The following TENM1 variants were observed in gnomAD, a reference collection of about 807,000 sequenced individuals.
TENM1 encodes teneurin-1.
TENM1 carries 35 observed loss-of-function variants against 174.8 expected under a neutral mutation model. The observed-to-expected ratio is 0.20, with a 90% CI of 0.15 to 0.27. TENM1 has a LOEUF of 0.27. Ranked by LOEUF, TENM1 falls within the 10% of genes least tolerant of loss-of-function variation. The pLI is 1.00. For synonymous variants in TENM1, 781 were observed against 798.7 expected (o/e 0.98, Z 0.37); for missense variants, 1,633 against 2,130.1 (o/e 0.77, Z 4.59).
At chrX:124,741,699 C>T (rs2053803326) in intron 3 of TENM1, among the ~76,000 whole-genome samples, 1 of 111,863 alleles carries the variant, frequency 8.9e-6, no homozygotes, top group African/African-American at 3.2e-5. Context: ...GGAAAGTTAT[C>T]TGATTAGGAC....
At chrX:124,865,188 T>TAGTAAGTA (rs772898681) in intron 3 of TENM1, among the ~76,000 whole-genome samples, 1 of 111,588 alleles carries the variant, frequency 9.0e-6, no homozygotes, top group Non-Finnish European at 1.9e-5. Flanking sequence ...TCACTGGTAA[T>TAGTAAGTA]AGTAAGTATA....
At chrX:124,574,060 T>A (rs1172005130) in intron 11 of TENM1, among the ~76,000 whole-genome samples, 1 of 112,061 alleles carries the variant, frequency 8.9e-6, no homozygotes, top group East Asian at 2.8e-4. Context: ...ATATAAACAT[T>A]CTTCTGTGCA....
At chrX:124,605,807 G>A (rs1331271502) in intron 11 of TENM1, among the ~76,000 whole-genome samples, 2 of 111,530 alleles carry the variant, frequency 1.8e-5, no homozygotes, top group African/African-American at 6.5e-5. Flanking sequence ...TATATGTGAG[G>A]CTTTCAATTA....
At chrX:125,076,897 AT>A in the TENM1 span, among the ~76,000 whole-genome samples, 463 of 108,682 alleles carry the variant, frequency 4.3e-3, 3 homozygotes, top group African/African-American at 0.014. Flanking sequence ...ACATTTCAAA[AT>A]TTTTTTTTTC....
At chrX:124,720,022 C>T (rs752871245) in intron 4 of TENM1, among the ~76,000 whole-genome samples, 1 of 111,998 alleles carries the variant, frequency 8.9e-6, no homozygotes, top group Non-Finnish European at 1.9e-5. Flanking sequence ...TGCAGCCTCA[C>T]ACACAGTATG....
intron 3 of TENM1, among the ~76,000 whole-genome samples, chrX:124,889,393 T>TTCTA (rs2086044191): frequency 1.8e-5 from 2 of 111,791 alleles, no homozygotes; most frequent in African/African-American, 6.5e-5. Flanking sequence ...AGAAGAAATA[T>TTCTA]GAACTAAGGT....
chrX:124,553,550 G>A (rs1162650889), intron 14 of TENM1, among the ~76,000 whole-genome samples: 8 of 93,887 alleles, frequency 8.5e-5, no homozygotes, highest in African/African-American at 2.8e-4. Flanking sequence ...CTATCTTTTT[G>A]CACCATTAAC....
rs182444129 is a variant in TENM1, at chrX:124,684,051, A to G, written c.1016-12216T>C. ...TTATAAATCAATAAATATCAGCTGC[A>G]CCTTTCAATAGAAACATGGACAAAA... On this transcript the variant is annotated intron_variant, in intron 5 of 31. Coordinates refer to ENST00000422452, the Ensembl canonical transcript of TENM1. 2.7e-5 allele frequency among the ~76,000 whole-genome samples: 3 copies of G among 112,430 alleles called. No homozygotes were observed. The East Asian group carries it at 8.3e-4, about 31-fold the overall frequency.
chrX:124,766,420 T>C (rs2054540080), intron 3 of TENM1, among the ~76,000 whole-genome samples: 1 of 111,863 alleles, frequency 8.9e-6, no homozygotes, highest in Admixed American at 9.5e-5. Flanking sequence ...AATTGTTTCA[T>C]GAAACTTTTG....
chrX:124,471,231 C>CTA (rs1212385933), intron 22 of TENM1, among the ~76,000 whole-genome samples: 7 of 57,426 alleles, frequency 1.2e-4, no homozygotes, highest in Admixed American at 3.1e-4. Context: ...ATATATAGTA[C>CTA]TATATATAAT....
In TENM1 at chrX:124,389,668, T is replaced by C. The variant is rs1206731908; in HGVS notation, c.5688+2384A>G. Among the ~76,000 whole-genome samples, 4 of 110,743 alleles carry C rather than the reference T, an allele frequency of 3.6e-5. No individual in the cohort carries two copies. In the East Asian group the frequency reaches 1.1e-3, roughly 31 times the overall value. On this transcript the variant is annotated intron_variant, in intron 28 of 31. Coordinates refer to ENST00000422452, the Ensembl canonical transcript of TENM1. ...CTCCCTTACTTTCTTCTGCTCTTTC[T>C]TGTTTTGATTTACCTCCAAGTGGCA...
At chrX:124,471,252 ATATAT>A (rs1339196198) in intron 22 of TENM1, among the ~76,000 whole-genome samples, 1 of 61,712 alleles carries the variant, frequency 1.6e-5, no homozygotes, top group Non-Finnish European at 2.6e-5. Context: ...ATATAATAAT[ATATAT>A]TATAATATAT....
chrX:124,667,301 A>G (rs1198858993), intron 6 of TENM1, among the ~76,000 whole-genome samples: 1 of 111,669 alleles, frequency 9.0e-6, no homozygotes, highest in Admixed American at 9.5e-5. Flanking sequence ...CTGGTTAAAT[A>G]GTTATAGGCC....
the TENM1 span, among the ~76,000 whole-genome samples, chrX:125,074,331 G>A: frequency 2.8e-5 from 3 of 108,598 alleles, no homozygotes; most frequent in African/African-American, 1.0e-4. Context: ...TGGCCACTCT[G>A]GGTCTGCTTC....
intron 1 of TENM1, among the ~76,000 whole-genome samples, chrX:124,928,927 C>T (rs1327045793): frequency 8.9e-6 from 1 of 111,833 alleles, no homozygotes; most frequent in Admixed American, 9.5e-5. Context: ...TTTCAAAGTA[C>T]TTTGATACTC....
chrX:124,775,238 G>A (rs747055264), intron 3 of TENM1, among the ~76,000 whole-genome samples: 4 of 106,438 alleles, frequency 3.8e-5, no homozygotes, highest in South Asian at 4.4e-4. Context: ...CCCGGGAGGC[G>A]GAGGCTGCAG....
chrX:124,423,967 A>G lies in TENM1; in HGVS notation c.4105-1329T>C, dbSNP rs556625079. 1.7e-4 allele frequency among the ~76,000 whole-genome samples: 19 copies of G among 111,764 alleles called. No individual in the cohort carries two copies. In the South Asian group the frequency reaches 6.9e-3, roughly 40 times the overall value. On this transcript the variant is annotated intron_variant, in intron 23 of 31. Transcript: ENST00000422452. ...ATCCAACAGGACTGATGTCTCTCCA[A>G]TAAGAGGAAGAGATACCAGGAATGC...
At chrX:124,384,174 C>T (rs759111753) in exon 30 of TENM1, 1 of 1,210,576 alleles carries the variant, frequency 8.3e-7, no homozygotes, top group South Asian at 1.8e-5. Flanking sequence ...TAATACTGCA[C>T]AGTCCAGCCA....
intron 22 of TENM1, among the ~76,000 whole-genome samples, chrX:124,458,089 T>C (rs965726327): frequency 1.8e-5 from 2 of 112,010 alleles, no homozygotes; most frequent in African/African-American, 6.5e-5. Flanking sequence ...GAGTGCTGAA[T>C]TGTGTAACTG....
Sources: allele counts gnomAD v4.1 joint callset (sites outside exome capture counted in the v4.1 genomes callset), GRCh38; gene constraint gnomAD v4.1.1; transcripts MANE v1.5; gene names NCBI Gene and HGNC (gene_info 2026-07-23, HGNC 2026-07-21).